The following TBC1D32 variants were observed in gnomAD, a reference collection of about 807,000 sequenced individuals.
TBC1D32 encodes protein broad-minded.
A neutral mutation model predicts 170.3 loss-of-function variants in TBC1D32; 151 were observed. The ratio of observed to expected loss-of-function variants is 0.89; its 90% CI spans 0.78 to 1.01. TBC1D32 has a LOEUF of 1.01. Among genes scored for constraint, TBC1D32 ranks in the 50% least tolerant of loss-of-function variants. The pLI, the probability that TBC1D32 is intolerant of heterozygous loss-of-function variation, is 0.00. For synonymous variants in TBC1D32, 498 were observed against 488.0 expected, an observed-to-expected ratio of 1.02 and a Z score of -0.27; for missense variants, 1,464 against 1,457.1, an observed-to-expected ratio of 1.00 and a Z score of -0.08.
intron 20 of TBC1D32, among the ~76,000 whole-genome samples, chr6:121,227,669 A>T (rs1795242268): frequency 6.6e-6 from 1 of 152,144 alleles, no homozygotes; most frequent in African/African-American, 2.4e-5. Flanking sequence ...CCACTTGATC[A>T]TAATAAATGG....
At chr6:121,199,674 TATGG>T (rs1791284351) in intron 22 of TBC1D32, among the ~76,000 whole-genome samples, 1 of 151,308 alleles carries the variant, frequency 6.6e-6, no homozygotes, top group South Asian at 2.1e-4. Context: ...AAATCTAAAA[TATGG>T]ATGGTTTTGT....
chr6:121,321,547 T>TA, intron 2 of TBC1D32, 86 bp downstream of exon 2: 5 of 1,282,508 alleles, frequency 3.9e-6, no homozygotes, highest in Non-Finnish European at 5.4e-6. Context: ...ATGAGGGAAA[T>TA]AGACTGTGAG....
At chr6:121,090,562 A>G (rs951790877) in intron 31 of TBC1D32, among the ~76,000 whole-genome samples, 2 of 152,190 alleles carry the variant, frequency 1.3e-5, no homozygotes, top group African/African-American at 4.8e-5. Context: ...TATTGACCAA[A>G]TAGCCCATAG....
chr6:121,332,016 C>T (rs1811284797), intron 1 of TBC1D32, among the ~76,000 whole-genome samples: 1 of 152,078 alleles, frequency 6.6e-6, no homozygotes. Flanking sequence ...AAGTAAATCT[C>T]TTTAGTAAAT....
chr6:121,120,295 G>C (rs965251781), intron 26 of TBC1D32, among the ~76,000 whole-genome samples: 1 of 151,886 alleles, frequency 6.6e-6, no homozygotes, highest in Non-Finnish European at 1.5e-5. Flanking sequence ...GATCTCACTC[G>C]GCATAATTTA....
At chr6:121,252,648 G>C (rs1798449466) in intron 17 of TBC1D32, among the ~76,000 whole-genome samples, 1 of 152,154 alleles carries the variant, frequency 6.6e-6, no homozygotes, top group South Asian at 2.1e-4. Context: ...ATGACGGGTT[G>C]ATGGGTGCAG....
chr6:121,185,665 C>T (rs1015488685), intron 22 of TBC1D32, among the ~76,000 whole-genome samples: 3 of 152,076 alleles, frequency 2.0e-5, no homozygotes, highest in Non-Finnish European at 2.9e-5. Context: ...AAAATGCCTT[C>T]TTACACCATA....
chr6:121,129,200 A>T (rs1290510920), intron 25 of TBC1D32, among the ~76,000 whole-genome samples: 1 of 152,244 alleles, frequency 6.6e-6, no homozygotes, highest in Non-Finnish European at 1.5e-5. Context: ...AACTGATTCC[A>T]AAACTAGGAC....
At chr6:121,182,950 T>C (rs963262777) in intron 22 of TBC1D32, among the ~76,000 whole-genome samples, 1 of 151,938 alleles carries the variant, frequency 6.6e-6, no homozygotes, top group Non-Finnish European at 1.5e-5. Flanking sequence ...AGATAAAGTA[T>C]TAAAAATCAT....
intron 30 of TBC1D32, 104 bp downstream of exon 30, chr6:121,105,919 A>G (rs1170684114): frequency 8.1e-7 from 1 of 1,239,978 alleles, no homozygotes; most frequent in Non-Finnish European, 1.1e-6. Context: ...TTTTAAATAC[A>G]CTTTTATTAA....
At chr6:121,281,375 T>C (rs1802956808) in intron 14 of TBC1D32, among the ~76,000 whole-genome samples, 169 bp downstream of exon 14, 1 of 151,638 alleles carries the variant, frequency 6.6e-6, no homozygotes, top group Non-Finnish European at 1.5e-5. Flanking sequence ...ATCAATCAAC[T>C]GCATAAGCTA....
intron 1 of TBC1D32, among the ~76,000 whole-genome samples, chr6:121,323,143 T>C (rs1809980649): frequency 6.6e-6 from 1 of 152,196 alleles, no homozygotes; most frequent in African/African-American, 2.4e-5. Context: ...TCTGCACCCC[T>C]TGCCCATCCA....
intron 22 of TBC1D32, among the ~76,000 whole-genome samples, chr6:121,182,502 A>G (rs1282143040): frequency 6.6e-6 from 1 of 152,068 alleles, no homozygotes; most frequent in African/African-American, 2.4e-5. Flanking sequence ...GTACTCAATT[A>G]TGTAATCATC....
chr6:121,213,784 A>G (rs1363775148), intron 21 of TBC1D32, among the ~76,000 whole-genome samples: 1 of 152,140 alleles, frequency 6.6e-6, no homozygotes, highest in African/African-American at 2.4e-5. Flanking sequence ...ACAGAACTAG[A>G]AAAAAACTAT....
intron 26 of TBC1D32, among the ~76,000 whole-genome samples, chr6:121,121,492 T>G (rs1174985009): frequency 1.3e-5 from 2 of 152,102 alleles, no homozygotes; most frequent in Non-Finnish European, 2.9e-5. Context: ...CTTTCTTCAC[T>G]GTCTCTTTAT....
At chr6:121,206,223 A>G (rs1356084317) in intron 21 of TBC1D32, among the ~76,000 whole-genome samples, 1 of 151,986 alleles carries the variant, frequency 6.6e-6, no homozygotes, top group African/African-American at 2.4e-5. Flanking sequence ...AAAGAAAAAA[A>G]AAAAAAAAAG....
At chr6:121,190,694 A>G (rs983139600) in intron 22 of TBC1D32, among the ~76,000 whole-genome samples, 1 of 152,180 alleles carries the variant, frequency 6.6e-6, no homozygotes, top group African/African-American at 2.4e-5. Context: ...CAGAAACATG[A>G]TAACTCTCTG....
At chr6:121,087,121 A>G (rs1165694866) in intron 31 of TBC1D32, among the ~76,000 whole-genome samples, 1 of 152,222 alleles carries the variant, frequency 6.6e-6, no homozygotes, top group Non-Finnish European at 1.5e-5. Context: ...AACTGCTCTA[A>G]TATCCAGCCC....
intron 26 of TBC1D32, among the ~76,000 whole-genome samples, chr6:121,120,937 T>C (rs1657577972): frequency 6.6e-6 from 1 of 152,158 alleles, no homozygotes; most frequent in East Asian, 1.9e-4. Context: ...TAAATAAATA[T>C]AGGGTCATCT....
Sources: gnomAD v4.1 joint callset for allele counts (sites outside exome capture counted in the v4.1 genomes callset) on GRCh38, gnomAD v4.1.1 for gene constraint, MANE v1.5 for transcripts, NCBI Gene and HGNC (gene_info 2026-07-23, HGNC 2026-07-21) for gene names.